The following PTPRT variants were observed in gnomAD, a reference collection of about 807,000 sequenced individuals.
PTPRT encodes the protein receptor-type tyrosine-protein phosphatase T.
PTPRT carries 56 observed loss-of-function variants against 176.8 expected under a neutral mutation model. That is an observed-to-expected ratio of 0.32 (90% confidence interval 0.26 to 0.40). PTPRT has a LOEUF of 0.40. PTPRT is among the 10% of genes least tolerant of loss of function. The pLI is 1.00. For missense variants in PTPRT, 1,540 were observed against 1,908.2 expected (o/e 0.81, Z 3.60); for synonymous variants, 783 against 739.0 (o/e 1.06, Z -0.96).
At chr20:43,073,297 A>AT (rs1235670791) in intron 1 of PTPRT, among the ~76,000 whole-genome samples, 2 of 152,142 alleles carry the variant, frequency 1.3e-5, no homozygotes, top group East Asian at 3.9e-4. Context: ...ATGTTTTCCC[A>AT]TATTTTCAAA....
At chr20:42,868,731 A>G (rs208181) in intron 2 of PTPRT, among the ~76,000 whole-genome samples, 48,687 of 152,058 alleles carry the variant, frequency 0.32, 8,661 homozygotes, top group African/African-American at 0.49. Context: ...CAAGACAATG[A>G]AAGAATGACT....
At chr20:42,845,756 G>A (rs1487944042) in intron 2 of PTPRT, among the ~76,000 whole-genome samples, 1 of 152,110 alleles carries the variant, frequency 6.6e-6, no homozygotes, top group African/African-American at 2.4e-5. Context: ...CTTGGTTAAG[G>A]GCAAGCGAGA....
chr20:42,428,141 G>T (rs1459798956), intron 9 of PTPRT, among the ~76,000 whole-genome samples: 1 of 152,132 alleles, frequency 6.6e-6, no homozygotes, highest in Non-Finnish European at 1.5e-5. Context: ...TAAGAATTTT[G>T]GGGAAACACC....
intron 7 of PTPRT, among the ~76,000 whole-genome samples, chr20:42,657,576 A>C (rs530927616): frequency 2.0e-5 from 3 of 151,720 alleles, no homozygotes; most frequent in Non-Finnish European, 2.9e-5. Flanking sequence ...TGTGGGGGGG[A>C]AAAATCTGTG....
chr20:42,810,278 C>T (rs2145616602), intron 2 of PTPRT, among the ~76,000 whole-genome samples: 1 of 152,200 alleles, frequency 6.6e-6, no homozygotes, highest in African/African-American at 2.4e-5. Flanking sequence ...TCCAGTCTGG[C>T]TGACAGAGTG....
At chr20:43,048,625 C>T (rs573079048) in intron 1 of PTPRT, among the ~76,000 whole-genome samples, 2 of 152,254 alleles carry the variant, frequency 1.3e-5, no homozygotes, top group African/African-American at 2.4e-5. Context: ...GAGAAATGAT[C>T]GCTGTTGGTG....
intron 3 of PTPRT, among the ~76,000 whole-genome samples, chr20:42,783,875 G>C (rs559994283): frequency 6.6e-6 from 1 of 152,194 alleles, no homozygotes; most frequent in South Asian, 2.1e-4. Flanking sequence ...AGTAGGGATG[G>C]GATGTCTTCA....
chr20:42,163,159 T>C (rs972593064), intron 16 of PTPRT, among the ~76,000 whole-genome samples: 2 of 152,150 alleles, frequency 1.3e-5, no homozygotes, highest in Admixed American at 1.3e-4. Flanking sequence ...CTAATCTGAC[T>C]GGTCTGACTT....
At chr20:42,200,101 A>C (rs1012208682) in intron 15 of PTPRT, among the ~76,000 whole-genome samples, 1 of 151,800 alleles carries the variant, frequency 6.6e-6, no homozygotes, top group African/African-American at 2.4e-5. Flanking sequence ...GGATCATTGA[A>C]GTAGGACAGG....
At chr20:42,783,271 C>G (rs1399186942) in intron 3 of PTPRT, among the ~76,000 whole-genome samples, 1 of 151,682 alleles carries the variant, frequency 6.6e-6, no homozygotes, top group Admixed American at 6.6e-5. Flanking sequence ...AAATCTAAAA[C>G]AAAATTAAAA....
At chr20:42,987,452 C>T (rs1983661151) in intron 1 of PTPRT, among the ~76,000 whole-genome samples, 1 of 152,224 alleles carries the variant, frequency 6.6e-6, no homozygotes, top group Non-Finnish European at 1.5e-5. Flanking sequence ...GCAGCTCTGG[C>T]TTAGCTGACA....
intron 29 of PTPRT, 39 bp from the exon 30 acceptor site, chr20:42,082,056 C>A: frequency 6.2e-7 from 1 of 1,612,822 alleles, no homozygotes; most frequent in Non-Finnish European, 8.5e-7. Flanking sequence ...GTTCCTAGGT[C>A]CCTTCCAGGC....
In PTPRT at chr20:42,217,100, G is replaced by T. The variant is rs117222228; in HGVS notation, c.2343-17712C>A. On this transcript the variant is annotated intron_variant, in intron 15 of 30. Coordinates refer to ENST00000373187, the MANE Select transcript of PTPRT (RefSeq NM_007050.6). The stretch of plus-strand genomic sequence containing the variant: ...CTCAAACATTACATCCAGGCCAGGC[G>T]CAGTGGCTCATGCCTGTAATCCCAG... Among the ~76,000 whole-genome samples the T allele has an allele frequency of 1.3e-3, 196 of 152,184 alleles. 2 individuals carry two copies. In the East Asian group the frequency reaches 0.033, roughly 26 times the overall value.
chr20:42,419,844 C>T (rs1466912659), intron 9 of PTPRT, among the ~76,000 whole-genome samples: 3 of 152,120 alleles, frequency 2.0e-5, no homozygotes, highest in African/African-American at 7.2e-5. Flanking sequence ...TGACTGGTGT[C>T]CTTATAAAGA....
intron 7 of PTPRT, among the ~76,000 whole-genome samples, chr20:42,638,097 C>T (rs528629595): frequency 6.6e-6 from 1 of 152,184 alleles, no homozygotes; most frequent in Admixed American, 6.5e-5. Context: ...AATTGGCAAA[C>T]ATTACAATTC....
In PTPRT at chr20:42,641,073, A is replaced by G. The variant is rs116127844; in HGVS notation, c.1153+36793T>C. On this transcript the variant is annotated intron_variant, in intron 7 of 30. Transcript: ENST00000373187. ...GTGGATGGTCATGATTTACTAAGCC[A>G]TTACCATAGTGTTGGGAATTTAGGT... Among the ~76,000 whole-genome samples, 207 of 152,194 alleles carry G rather than the reference A, an allele frequency of 1.4e-3. 1 individual carries two copies. The highest frequency in any genetic ancestry group is 4.7e-3 in the African/African-American group (197 of 41,556).
At chr20:42,565,078 C>A (rs1429076536) in intron 7 of PTPRT, among the ~76,000 whole-genome samples, 1 of 152,162 alleles carries the variant, frequency 6.6e-6, no homozygotes. Context: ...TCTGGCGCCC[C>A]GGGTCCTTCG....
intron 1 of PTPRT, among the ~76,000 whole-genome samples, chr20:43,187,655 T>C (rs1051336311): frequency 3.9e-5 from 6 of 152,142 alleles, no homozygotes; most frequent in African/African-American, 1.4e-4. Context: ...TTGCTAAATA[T>C]ATGCTATATC....
chr20:42,162,850 G>A (rs1989664131), intron 16 of PTPRT, among the ~76,000 whole-genome samples: 2 of 152,214 alleles, frequency 1.3e-5, no homozygotes, highest in African/African-American at 4.8e-5. Flanking sequence ...GATCCTGTGT[G>A]TGAATGCACA....
Sources: allele counts gnomAD v4.1 joint callset (sites outside exome capture counted in the v4.1 genomes callset), GRCh38; gene constraint gnomAD v4.1.1; transcripts MANE v1.5; gene names NCBI Gene and HGNC (gene_info 2026-07-23, HGNC 2026-07-21).